The following SH3GL1 variants were observed in gnomAD, a reference collection of about 807,000 sequenced individuals.
SH3GL1 encodes endophilin-A2.
In SH3GL1, 21 loss-of-function variants were observed where a neutral mutation model predicts 48.8. The ratio of observed to expected loss-of-function variants is 0.43; its 90% CI spans 0.30 to 0.62. The LOEUF is 0.62. Ranked by LOEUF, SH3GL1 falls within the 20% of genes least tolerant of loss-of-function variation. The probability of loss-of-function intolerance (pLI) is 0.11; values close to 1 mark genes in which losing one functional copy is unlikely to be tolerated. For synonymous variants in SH3GL1, 282 were observed against 217.5 expected (o/e 1.30, Z -2.61); for missense variants, 454 against 503.0 (o/e 0.90, Z 0.93).
chr19:4,379,472 A>C (rs149032326), intron 1 of SH3GL1, among the ~76,000 whole-genome samples: 1 of 151,678 alleles, frequency 6.6e-6, no homozygotes, highest in East Asian at 1.9e-4. Flanking sequence ...AGAGAAAATG[A>C]CTCAACTTAA....
chr19:4,379,442 T>A lies in SH3GL1; in HGVS notation c.46-12448A>T, dbSNP rs796324185. ...TGCTGTCTCAAAAAAAAAAAAAAAA[T>A]AAAGCAGCAAAGGACCAAGAGAGAA... On this transcript the variant is annotated intron_variant, in intron 1 of 9. Transcript: ENST00000269886. 1.6e-3 allele frequency among the ~76,000 whole-genome samples: 222 copies of A among 142,496 alleles called. 4 individuals are homozygous for A. Among genetic ancestry groups the A allele is most frequent in the African/African-American group, 4.8e-3 (176 of 36,582 alleles). 93.5% of individuals were successfully genotyped at this position (142,496 alleles called of 152,430 possible). A position where few individuals can be genotyped will look rare whatever the true frequency, so the allele number is the denominator to read the frequency against.
chr19:4,396,946 G>A (rs748445265), intron 1 of SH3GL1, among the ~76,000 whole-genome samples: 2 of 152,076 alleles, frequency 1.3e-5, no homozygotes, highest in Admixed American at 6.6e-5. Context: ...CCCTTAGACC[G>A]GATAAGCAAG....
At chr19:4,398,133 C>T (rs1474030615) in intron 1 of SH3GL1, among the ~76,000 whole-genome samples, 4 of 152,180 alleles carry the variant, frequency 2.6e-5, no homozygotes, top group Admixed American at 2.6e-4. Flanking sequence ...GCATGAGCCA[C>T]AGCACCTGGC....
intron 7 of SH3GL1, among the ~76,000 whole-genome samples, chr19:4,363,045 C>A (rs551548472): frequency 6.6e-6 from 1 of 152,304 alleles, no homozygotes; most frequent in East Asian, 1.9e-4. Flanking sequence ...GGACGGCGCC[C>A]CACATACGCC....
At position 4,389,224 on chromosome 19, in the gene SH3GL1, G is replaced by C. The variant is rs898468127; in HGVS notation, c.45+11100C>G. On this transcript the variant is annotated intron_variant, in intron 1 of 9. Transcript: ENST00000269886. The surrounding 1 kb of genome is among the most constrained non-coding windows in gnomAD (Gnocchi z 4.5). ...ATGCCCGAGCACAGCCCAGCCTCAGGAGCTGCCGTCCGATGGGAGGAGAGC... is the reference window on the plus strand; with the variant it reads ...ATGCCCGAGCACAGCCCAGCCTCAGCAGCTGCCGTCCGATGGGAGGAGAGC... 1.3e-5 allele frequency among the ~76,000 whole-genome samples: 2 copies of C among 152,196 alleles called. No homozygotes were observed. The highest frequency in any genetic ancestry group is 4.8e-5 in the African/African-American group (2 of 41,452).
intron 1 of SH3GL1, among the ~76,000 whole-genome samples, chr19:4,378,201 C>T (rs544204496): frequency 6.6e-6 from 1 of 152,298 alleles, no homozygotes; most frequent in South Asian, 2.1e-4. Context: ...CAGCCCTGCC[C>T]TCGGGAGCTC....
At chr19:4,364,016 G>C in intron 5 of SH3GL1, 72 bp downstream of exon 5, 1 of 1,606,214 alleles carries the variant, frequency 6.2e-7, no homozygotes, top group Non-Finnish European at 8.5e-7. Context: ...CTGGAGGTGA[G>C]GGTGGCAGGA....
At chr19:4,370,544 C>T (rs762819607) in intron 1 of SH3GL1, among the ~76,000 whole-genome samples, 1 of 152,200 alleles carries the variant, frequency 6.6e-6, no homozygotes, top group Non-Finnish European at 1.5e-5. Flanking sequence ...CAGGGCCCCA[C>T]CTGGACGGGG....
intron 1 of SH3GL1, among the ~76,000 whole-genome samples, chr19:4,392,796 G>C (rs1394793534): frequency 6.6e-6 from 1 of 152,024 alleles, no homozygotes; most frequent in Non-Finnish European, 1.5e-5. Flanking sequence ...ACAAAAATTA[G>C]CTGGGCATGG....
Position 4,400,382 on chromosome 19 carries a change from G to A in SH3GL1, c.-14C>T, listed in dbSNP as rs1973501899. ...CGCCACCGACATGCTGCCGCCCGCC[G>A]CCGAGCCTCCCGCCCGGACCGCGCC... On this transcript the variant is annotated 5_prime_UTR_variant, in exon 1 of 10. Coordinates refer to ENST00000269886, the MANE Select transcript of SH3GL1 (RefSeq NM_003025.4). This position sits in a 1 kb window ranked among gnomAD's most constrained non-coding sequence, Gnocchi z 4.1. The A allele has an allele frequency of 1.9e-6, 3 of 1,584,642 alleles. No homozygotes were observed. Among genetic ancestry groups the A allele is most frequent in the Non-Finnish European group, 2.6e-6 (3 of 1,170,276 alleles).
chr19:4,398,665 GC>G (rs1055023848), intron 1 of SH3GL1, among the ~76,000 whole-genome samples: 86 of 152,222 alleles, frequency 5.6e-4, no homozygotes, highest in African/African-American at 1.9e-3. Context: ...GAGCCACCGC[GC>G]CCGGCCAAAT....
Position 4,361,621 on chromosome 19 carries a change from C to T in SH3GL1, c.1086G>A (p.Val362=). ...TGAGTCACTGCGGCAGGGGCACAAG[C>T]ACCTCCACGTAGCTGAGCGGGAAGA... ...SGFFPLSYVE[V]LVPLPQ is the part of the protein sequence containing the mutation. Residue 362 remains valine, a synonymous_variant, in exon 10 of 10, where the codon GTG becomes GTA. Transcript: ENST00000269886. The T allele has an allele frequency of 6.2e-7, 1 of 1,602,848 alleles. No individual in the cohort carries two copies. Among genetic ancestry groups the T allele is most frequent in the Non-Finnish European group, 8.5e-7 (1 of 1,177,888 alleles).
At position 4,400,487 on chromosome 19, in the gene SH3GL1, C is replaced by T. The variant is rs1973505013; in HGVS notation, c.-119G>A. On this transcript the variant is annotated 5_prime_UTR_variant, in exon 1 of 10. Coordinates refer to ENST00000269886, the MANE Select transcript of SH3GL1 (RefSeq NM_003025.4). The surrounding 1 kb of genome is among the most constrained non-coding windows in gnomAD (Gnocchi z 4.1). ...GGCGCCGCCTCCGCCACCCGCTTGC[C>T]AGCTCCGCGCCCGCCCCGGCGCCGC... 1.4e-5 allele frequency: 12 copies of T among 887,312 alleles called. No individual in the cohort carries two copies. The highest frequency in any genetic ancestry group is 1.8e-5 in the African/African-American group (1 of 55,574). The allele number at this position is 887,312 out of a possible 1,614,324, so 55.0% of individuals were successfully genotyped here. A position where few individuals can be genotyped will look rare whatever the true frequency, so the allele number is the denominator to read the frequency against.
chr19:4,396,428 T>G (rs914207585), intron 1 of SH3GL1, among the ~76,000 whole-genome samples: 1 of 151,928 alleles, frequency 6.6e-6, no homozygotes, highest in East Asian at 1.9e-4. Flanking sequence ...AAAAACAAAC[T>G]ACACATGTGG....
intron 1 of SH3GL1, among the ~76,000 whole-genome samples, chr19:4,372,914 GCTGA>G (rs1436209123): frequency 6.6e-6 from 1 of 152,222 alleles, no homozygotes; most frequent in East Asian, 1.9e-4. Flanking sequence ...GCCCTTGCGT[GCTGA>G]CTATGAAAGC....
At chr19:4,363,242 G>T in intron 7 of SH3GL1, 128 bp downstream of exon 7, 2 of 765,242 alleles carry the variant, frequency 2.6e-6, no homozygotes, top group Non-Finnish European at 4.3e-6. Context: ...TTTCCACTCA[G>T]TCCCCAGGAA....
intron 6 of SH3GL1, 69 bp downstream of exon 6, chr19:4,363,651 C>T: frequency 6.9e-6 from 11 of 1,591,630 alleles, no homozygotes; most frequent in Non-Finnish European, 9.5e-6. Context: ...CCTCCAGCTC[C>T]CTTGAGGCAC....
At chr19:4,379,268 A>C (rs1973072256) in intron 1 of SH3GL1, among the ~76,000 whole-genome samples, 1 of 151,992 alleles carries the variant, frequency 6.6e-6, no homozygotes. Flanking sequence ...AGCCTGGCCA[A>C]CATGGTGAAA....
rs748740174 is a variant in SH3GL1 at position 4,362,328 on chromosome 19, C to T, written c.910+1G>A. On this transcript the variant is annotated splice_donor_variant, in intron 9 of 9. Coordinates refer to ENST00000269886, the MANE Select transcript of SH3GL1 (RefSeq NM_003025.4). LOFTEE classifies it high-confidence loss of function. ...GTCGAGGCGGGCCTGGGAACACTCA[C>T]GCATGCTCCGGCTAGGGGTCCGGAT... 2.2e-5 allele frequency: 35 copies of T among 1,610,914 alleles called. No individual in the cohort carries two copies. The highest frequency in any genetic ancestry group is 1.6e-4 in the Middle Eastern group (1 of 6,080).
Sources: gnomAD v4.1 joint callset for allele counts (sites outside exome capture counted in the v4.1 genomes callset) on GRCh38, gnomAD v4.1.1 for gene constraint, Gnocchi (gnomAD v3.1) non-coding constraint, MANE v1.5 for transcripts, NCBI Gene and HGNC (gene_info 2026-07-23, HGNC 2026-07-21) for gene names.